The following TMEM38B variants were observed in gnomAD, a reference collection of about 807,000 sequenced individuals.
The protein encoded by TMEM38B is trimeric intracellular cation channel type B.
In TMEM38B, 24 loss-of-function variants were observed where a neutral mutation model predicts 28.7. The ratio of observed to expected loss-of-function variants is 0.84; its 90% confidence interval spans 0.61 to 1.18. The LOEUF is 1.18. TMEM38B is among the 50% of genes most tolerant of loss of function. TMEM38B has a pLI of 0.00. For synonymous variants in TMEM38B, 131 were observed against 127.7 expected (o/e 1.03, Z -0.17); for missense variants, 380 against 350.9 (o/e 1.08, Z -0.66).
chr9:105,698,259 A>C (rs1465887352), intron 1 of TMEM38B, among the ~76,000 whole-genome samples: 1 of 152,130 alleles, frequency 6.6e-6, no homozygotes, highest in African/African-American at 2.4e-5. Context: ...GTTTTGTTGA[A>C]TACTAATGAT....
intron 4 of TMEM38B, among the ~76,000 whole-genome samples, chr9:105,726,156 T>A (rs1277132696): frequency 1.3e-5 from 2 of 152,154 alleles, no homozygotes; most frequent in South Asian, 2.1e-4. Context: ...TCTACTCTTT[T>A]AGTTATTTTG....
chr9:105,698,987 A>G (rs1027073313), intron 1 of TMEM38B, among the ~76,000 whole-genome samples: 1 of 152,114 alleles, frequency 6.6e-6, no homozygotes, highest in African/African-American at 2.4e-5. Context: ...ATATTGTAGA[A>G]AATTTCTCTG....
chr9:105,719,668 A>G (rs370495366), intron 2 of TMEM38B, among the ~76,000 whole-genome samples: 67 of 152,314 alleles, frequency 4.4e-4, no homozygotes, highest in Middle Eastern at 3.4e-3. Context: ...AAGAGTTGCA[A>G]TAATTGCAAA....
intron 5 of TMEM38B, chr9:105,759,785 C>G: frequency 6.2e-7 from 1 of 1,608,886 alleles, no homozygotes; most frequent in South Asian, 1.1e-5. Context: ...ACTACTTTGA[C>G]TGCTCAAGAC....
chr9:105,752,754 C>T (rs1030827642), intron 5 of TMEM38B, among the ~76,000 whole-genome samples: 1 of 152,156 alleles, frequency 6.6e-6, no homozygotes, highest in Non-Finnish European at 1.5e-5. Context: ...AGCCAGAGTG[C>T]CTCTTCTCCC....
intron 1 of TMEM38B, among the ~76,000 whole-genome samples, chr9:105,699,081 T>G (rs1314270998): frequency 6.6e-6 from 1 of 152,158 alleles, no homozygotes; most frequent in Non-Finnish European, 1.5e-5. Flanking sequence ...TATGGTAATT[T>G]TTTTACACTC....
chr9:105,761,952 C>A (rs1034271153), intron 5 of TMEM38B, among the ~76,000 whole-genome samples: 1 of 152,070 alleles, frequency 6.6e-6, no homozygotes, highest in African/African-American at 2.4e-5. Flanking sequence ...AAATGCCTCT[C>A]ATCTTAAAAC....
At chr9:105,717,914 C>T (rs1311714676) in intron 2 of TMEM38B, among the ~76,000 whole-genome samples, 1 of 152,132 alleles carries the variant, frequency 6.6e-6, no homozygotes, top group African/African-American at 2.4e-5. Flanking sequence ...CTCACTTAAA[C>T]CTGACAAGAA....
At position 105,694,626 on chromosome 9, in the gene TMEM38B, C is replaced by G; in HGVS notation, c.-35C>G. ...CGCGCGAGCGCGGGGAACCAGTAGC[C>G]GCGGCTGCTTCGGTTGCCGCGGTCG... On this transcript the variant is annotated 5_prime_UTR_variant, in exon 1 of 6. Coordinates refer to ENST00000374692, the MANE Select transcript of TMEM38B (RefSeq NM_018112.3). The G allele has an allele frequency of 6.3e-7, 1 of 1,582,552 alleles. No individual in the cohort carries two copies. Among genetic ancestry groups the G allele is most frequent in the Non-Finnish European group, 8.7e-7 (1 of 1,152,562 alleles).
At chr9:105,764,390 G>C (rs1429447381) in intron 5 of TMEM38B, among the ~76,000 whole-genome samples, 1 of 151,998 alleles carries the variant, frequency 6.6e-6, no homozygotes, top group Non-Finnish European at 1.5e-5. Flanking sequence ...AAAGTCTCAG[G>C]ATACAAAATC....
At chr9:105,737,325 A>G (rs1258824904) in intron 4 of TMEM38B, among the ~76,000 whole-genome samples, 1 of 148,124 alleles carries the variant, frequency 6.8e-6, no homozygotes, top group Admixed American at 6.6e-5. Flanking sequence ...GGTGCTCCAG[A>G]GGCCTGAGTC....
At chr9:105,703,228 T>C (rs982336714) in intron 1 of TMEM38B, among the ~76,000 whole-genome samples, 43 of 152,330 alleles carry the variant, frequency 2.8e-4, no homozygotes, top group African/African-American at 1.0e-3. Flanking sequence ...CTCATGCCTG[T>C]AATCCCAGCA....
intron 4 of TMEM38B, among the ~76,000 whole-genome samples, chr9:105,736,580 C>A (rs1836989947): frequency 6.6e-6 from 1 of 152,098 alleles, no homozygotes; most frequent in Admixed American, 6.6e-5. Flanking sequence ...TATTTGAATT[C>A]CTTTTTAGGC....
chr9:105,749,328 T>A (rs547730196), intron 5 of TMEM38B: 2 of 205,202 alleles, frequency 9.7e-6, no homozygotes, highest in Admixed American at 1.2e-4. Context: ...CTGGGGAGGC[T>A]TCACAATCAT....
intron 2 of TMEM38B, among the ~76,000 whole-genome samples, chr9:105,716,417 T>C (rs1456869338): frequency 2.0e-5 from 3 of 148,936 alleles, no homozygotes; most frequent in Non-Finnish European, 3.0e-5. Flanking sequence ...TCTGCTCTGC[T>C]TTCCAGTGAA....
chr9:105,768,364 T>C (rs1237415855), intron 5 of TMEM38B, among the ~76,000 whole-genome samples: 1 of 152,138 alleles, frequency 6.6e-6, no homozygotes, highest in East Asian at 1.9e-4. Context: ...TCCAGTGTGC[T>C]AATGGATATT....
Position 105,721,757 on chromosome 9 carries a change from T to TCATACA in TMEM38B, c.454+36_454+37insCATACA, listed in dbSNP as rs778026390. ...CAATATGTGTTCATAAATATTCTGT[T>TCATACA]GTTGGTGTATTATTAATACCATTAC... On this transcript the variant is annotated intron_variant, in intron 3 of 5. Transcript: ENST00000374692. 328 of 1,503,098 alleles carry TCATACA rather than the reference T, an allele frequency of 2.2e-4. No homozygotes were observed. In the African/African-American group the frequency reaches 2.7e-3, roughly 12 times the overall value. The allele number at this position is 1,503,098 out of a possible 1,614,324, so 93.1% of individuals were successfully genotyped here.
chr9:105,722,958 C>A (rs962423660), intron 4 of TMEM38B, among the ~76,000 whole-genome samples: 1 of 151,990 alleles, frequency 6.6e-6, no homozygotes, highest in Non-Finnish European at 1.5e-5. Context: ...GAAAATGAAT[C>A]GGTGATAGGC....
At chr9:105,744,863 T>G (rs1837332594) in intron 4 of TMEM38B, among the ~76,000 whole-genome samples, 1 of 152,194 alleles carries the variant, frequency 6.6e-6, no homozygotes. Flanking sequence ...TTGCGATAGT[T>G]TGCTGAGAAT....
Sources: gnomAD v4.1 joint callset for allele counts (sites outside exome capture counted in the v4.1 genomes callset) on GRCh38, gnomAD v4.1.1 for gene constraint, MANE v1.5 for transcripts, NCBI Gene and HGNC (gene_info 2026-07-23, HGNC 2026-07-21) for gene names.